IQCM: variants seen among roughly 807,000 people sequenced by gnomAD.
The protein encoded by IQCM is IQ motif containing M.
Under a neutral mutation model 57.6 loss-of-function variants are expected in IQCM, and 45 were observed. That is an observed-to-expected ratio of 0.78 (90% CI 0.62 to 1.00). IQCM has a LOEUF of 1.00. IQCM is among the 50% of genes least tolerant of loss of function. IQCM has a pLI of 0.00. For missense variants in IQCM, 468 were observed against 511.6 expected (o/e 0.91, Z 0.82); for synonymous variants, 148 against 158.9 (o/e 0.93, Z 0.51).
intron 8 of IQCM, among the ~76,000 whole-genome samples, chr4:149,619,911 C>T (rs184374035): frequency 7.8e-4 from 118 of 152,248 alleles, no homozygotes; most frequent in Middle Eastern, 3.4e-3. Context: ...AATCCCAGCA[C>T]TTTGGGAGAG....
At chr4:149,517,742 T>C (rs940381408) in intron 12 of IQCM, among the ~76,000 whole-genome samples, 5 of 152,270 alleles carry the variant, frequency 3.3e-5, no homozygotes, top group East Asian at 3.9e-4. Context: ...GCCCAGAATA[T>C]AGAGCAGGCA....
rs371236564 is a variant in IQCM at position 149,648,308 on chromosome 4, A to G, written c.566-27064T>C. Among the ~76,000 whole-genome samples the G allele has an allele frequency of 4.5e-4, 68 of 152,178 alleles. 1 individual carries two copies. In the East Asian group the frequency reaches 0.013, roughly 29 times the overall value. On this transcript the variant is annotated intron_variant, in intron 7 of 13. Coordinates refer to ENST00000636793, the MANE Select transcript of IQCM (RefSeq NM_001363507.2). ...TTATTTGTCATTGTCTTTAAAAAACAATTTGTGGTAGTTTGCTGAGAATGA... is the reference window on the plus strand; with the variant it reads ...TTATTTGTCATTGTCTTTAAAAAACGATTTGTGGTAGTTTGCTGAGAATGA...
intron 7 of IQCM, among the ~76,000 whole-genome samples, chr4:149,670,463 C>T (rs1761152509): frequency 6.6e-6 from 1 of 152,142 alleles, no homozygotes; most frequent in Admixed American, 6.5e-5. Context: ...ATTGAATACC[C>T]TTTATTTCTT....
At chr4:149,750,810 C>G (rs1768366518) in intron 2 of IQCM, among the ~76,000 whole-genome samples, 1 of 152,110 alleles carries the variant, frequency 6.6e-6, no homozygotes, top group African/African-American at 2.4e-5. Flanking sequence ...ATGAAAACAC[C>G]ATAAAGTTAA....
At position 149,742,756 on chromosome 4, in the gene IQCM, TTAAG is replaced by T. The variant is rs1268313557; in HGVS notation, c.-48-21_-48-18del. 2 of 1,016,274 alleles carry T rather than the reference TTAAG, an allele frequency of 2.0e-6. No homozygotes were observed. Among genetic ancestry groups the T allele is most frequent in the Non-Finnish European group, 2.5e-6 (2 of 791,094 alleles). The allele number at this position is 1,016,274 out of a possible 1,614,324, so 63.0% of individuals were successfully genotyped here. A position where few individuals can be genotyped will look rare whatever the true frequency, so the allele number is the denominator to read the frequency against. On this transcript the variant is annotated intron_variant, in intron 2 of 13. Transcript: ENST00000636793. ...CTCCAAGTCCTTAAACACAGTTACATTAAGTAATTCAGTGATGATAAATATTTAT... is the reference window on the plus strand; with the variant it reads ...CTCCAAGTCCTTAAACACAGTTACATTAATTCAGTGATGATAAATATTTAT...
rs17026384 is a variant in IQCM at position 149,733,862 on chromosome 4, A to G, written c.121-354T>C. On this transcript the variant is annotated intron_variant, in intron 4 of 13. Transcript: ENST00000636793. ...GGAGTTTTTCAAATAGACATGTAAG[A>G]ATTAAATTATTTTCAACCATCTTTG... Among the ~76,000 whole-genome samples, 1,368 of 152,314 alleles carry G rather than the reference A, an allele frequency of 9.0e-3. 10 individuals carry two copies. The highest frequency in any genetic ancestry group is 0.03 in the African/African-American group (1,267 of 41,562).
intron 12 of IQCM, among the ~76,000 whole-genome samples, chr4:149,451,980 C>G (rs955099278): frequency 6.6e-6 from 1 of 151,664 alleles, no homozygotes; most frequent in South Asian, 2.1e-4. Flanking sequence ...ATAAAATCTA[C>G]AAAAGCTGCT....
At chr4:149,661,655 C>T (rs1760224956) in intron 7 of IQCM, among the ~76,000 whole-genome samples, 1 of 152,050 alleles carries the variant, frequency 6.6e-6, no homozygotes, top group African/African-American at 2.4e-5. Flanking sequence ...TTTAGATTTT[C>T]TATATCTTCA....
At chr4:149,596,765 G>C (rs1460130391) in intron 8 of IQCM, among the ~76,000 whole-genome samples, 1 of 151,908 alleles carries the variant, frequency 6.6e-6, no homozygotes, top group Non-Finnish European at 1.5e-5. Flanking sequence ...TACAAATCTG[G>C]GCCCCCACCA....
At chr4:149,690,464 G>C (rs1762866054) in intron 5 of IQCM, among the ~76,000 whole-genome samples, 1 of 152,012 alleles carries the variant, frequency 6.6e-6, no homozygotes, top group Non-Finnish European at 1.5e-5. Context: ...ACTACAAATA[G>C]GGTGCAGCAT....
chr4:149,393,939 C>T (rs1170527152), intron 13 of IQCM, among the ~76,000 whole-genome samples: 1 of 151,860 alleles, frequency 6.6e-6, no homozygotes, highest in Non-Finnish European at 1.5e-5. Flanking sequence ...AAAACAAAAA[C>T]CTCTAAACAA....
At chr4:149,358,684 C>G (rs935245867) in intron 13 of IQCM, among the ~76,000 whole-genome samples, 2 of 151,776 alleles carry the variant, frequency 1.3e-5, no homozygotes, top group Non-Finnish European at 2.9e-5. Context: ...ACTAAGCTGG[C>G]AAAGAGGGAA....
chr4:149,559,752 G>C (rs1385618508), intron 10 of IQCM, among the ~76,000 whole-genome samples: 1 of 152,170 alleles, frequency 6.6e-6, no homozygotes, highest in African/African-American at 2.4e-5. Flanking sequence ...GTTAGCACAC[G>C]TTATGTAATA....
At chr4:149,372,981 A>G (rs368498029) in intron 13 of IQCM, among the ~76,000 whole-genome samples, 1 of 152,192 alleles carries the variant, frequency 6.6e-6, no homozygotes, top group Admixed American at 6.6e-5. Context: ...ATCTGTGTCT[A>G]TAAGACAGAA....
intron 11 of IQCM, among the ~76,000 whole-genome samples, chr4:149,551,780 A>T (rs185525527): frequency 6.6e-6 from 1 of 152,224 alleles, no homozygotes; most frequent in Non-Finnish European, 1.5e-5. Flanking sequence ...TTACGGGCAA[A>T]AGTCTTAAAA....
intron 10 of IQCM, among the ~76,000 whole-genome samples, chr4:149,554,681 A>T (rs1430094261): frequency 4.3e-5 from 6 of 138,862 alleles, no homozygotes; most frequent in Non-Finnish European, 9.2e-5. Flanking sequence ...CATATTACAC[A>T]TTAATTTTTT....
chr4:149,463,759 A>C (rs139022878), intron 12 of IQCM, among the ~76,000 whole-genome samples: 15 of 152,354 alleles, frequency 9.8e-5, no homozygotes, highest in Non-Finnish European at 2.1e-4. Flanking sequence ...TAGGTAACTT[A>C]AAGCAAATAT....
At chr4:149,787,175 G>A (rs2150021636) in intron 2 of IQCM, among the ~76,000 whole-genome samples, 1 of 152,206 alleles carries the variant, frequency 6.6e-6, no homozygotes, top group East Asian at 1.9e-4. Context: ...GGGCCTGTTG[G>A]GGGATGGGGG....
intron 2 of IQCM, chr4:149,790,100 A>T: frequency 1.5e-6 from 1 of 675,234 alleles, no homozygotes. Flanking sequence ...CTCACCATTA[A>T]AAAAAGAACA....
Sources: gnomAD v4.1 joint callset for allele counts (sites outside exome capture counted in the v4.1 genomes callset) on GRCh38, gnomAD v4.1.1 for gene constraint, MANE v1.5 for transcripts, NCBI Gene and HGNC (gene_info 2026-07-23, HGNC 2026-07-21) for gene names.